The following MPPED1 variants were observed in gnomAD, a reference collection of about 807,000 sequenced individuals.
The protein encoded by MPPED1 is metallophosphoesterase domain containing 1, also known as metallophosphoesterase domain-containing protein 1.
In MPPED1, 16 loss-of-function variants were observed where a neutral mutation model predicts 36.2. The ratio of observed to expected loss-of-function variants is 0.44; its 90% CI spans 0.30 to 0.67. MPPED1 has a LOEUF of 0.67. MPPED1 is among the 30% of genes least tolerant of loss of function. The pLI is 0.10. For synonymous variants in MPPED1, 199 were observed against 191.3 expected (o/e 1.04, Z -0.33); for missense variants, 307 against 453.4 (o/e 0.68, Z 2.93).
chr22:43,428,034 C>T (rs1313823513), intron 2 of MPPED1, among the ~76,000 whole-genome samples: 7 of 152,186 alleles, frequency 4.6e-5, no homozygotes, highest in African/African-American at 1.7e-4. Context: ...ATTGGTAGCA[C>T]ATGCCAGGCC....
rs1004706997 is a variant in MPPED1 at position 43,506,787 on chromosome 22, G to A, written c.*1171G>A. 6.6e-6 allele frequency: 1 copy of A among 152,178 alleles called. No homozygotes were observed. The highest frequency in any genetic ancestry group is 2.4e-5 in the African/African-American group (1 of 41,416). The allele number at this position is 152,178 out of a possible 1,614,324, so 9.4% of individuals were successfully genotyped here. ...TGGGAACCGGTAGGGCCTAGATGAG[G>A]GGCAGGCAGTCAGGCAGAAATGGGC... On this transcript the variant is annotated 3_prime_UTR_variant, in exon 7 of 7. Coordinates refer to ENST00000443721, the MANE Select transcript of MPPED1 (RefSeq NM_001044370.2).
chr22:43,423,279 A>T (rs5751494), intron 1 of MPPED1, among the ~76,000 whole-genome samples: 33,413 of 152,100 alleles, frequency 0.22, 5,057 homozygotes, highest in East Asian at 0.62. Context: ...CGGCGTCCTG[A>T]AACTTGGCAT....
At chr22:43,487,698 G>A (rs1276918767) in intron 4 of MPPED1, among the ~76,000 whole-genome samples, 1 of 152,200 alleles carries the variant, frequency 6.6e-6, no homozygotes, top group African/African-American at 2.4e-5. Context: ...GGCACCCCAG[G>A]AATTGTCTGT....
chr22:43,464,578 A>G (rs1369145367), intron 3 of MPPED1, among the ~76,000 whole-genome samples: 3 of 151,926 alleles, frequency 2.0e-5, no homozygotes, highest in Non-Finnish European at 1.5e-5. Context: ...AGTGCTCCCC[A>G]CTTTTGTGGG....
At chr22:43,488,413 T>C (rs1931981757) in intron 4 of MPPED1, among the ~76,000 whole-genome samples, 2 of 152,168 alleles carry the variant, frequency 1.3e-5, no homozygotes, top group Admixed American at 1.3e-4. Context: ...CCATTTCCTA[T>C]AGACGAGTGT....
At chr22:43,470,996 G>A (rs1048825972) in intron 3 of MPPED1, among the ~76,000 whole-genome samples, 1 of 152,240 alleles carries the variant, frequency 6.6e-6, no homozygotes, top group Admixed American at 6.5e-5. Flanking sequence ...CTTGCATTAT[G>A]TATGGGAGCT....
chr22:43,449,234 T>C (rs553435242), intron 3 of MPPED1, among the ~76,000 whole-genome samples: 1 of 152,282 alleles, frequency 6.6e-6, no homozygotes, highest in African/African-American at 2.4e-5. Flanking sequence ...TACAGGCACT[T>C]TCACGTTGTT....
intron 1 of MPPED1, among the ~76,000 whole-genome samples, chr22:43,421,281 T>C (rs543324947): frequency 1.6e-4 from 24 of 152,382 alleles, no homozygotes; most frequent in African/African-American, 5.5e-4. Flanking sequence ...AAATATTAAA[T>C]GGGCATTAAA....
intron 1 of MPPED1, among the ~76,000 whole-genome samples, chr22:43,424,094 C>G (rs1246650240): frequency 6.6e-6 from 1 of 152,170 alleles, no homozygotes; most frequent in Non-Finnish European, 1.5e-5. Flanking sequence ...AATATAAATG[C>G]AAACTGCACT....
intron 4 of MPPED1, among the ~76,000 whole-genome samples, chr22:43,490,422 G>T (rs1932046841): frequency 1.3e-5 from 2 of 152,182 alleles, no homozygotes; most frequent in Admixed American, 1.3e-4. Context: ...GGCTCCCCAA[G>T]ATTTGAGGTC....
chr22:43,468,567 T>A (rs1259349239), intron 3 of MPPED1, among the ~76,000 whole-genome samples: 1 of 152,232 alleles, frequency 6.6e-6, no homozygotes, highest in Non-Finnish European at 1.5e-5. Flanking sequence ...CTCTCTCCAC[T>A]GTCTCGCTAT....
At chr22:43,453,488 G>A (rs183098676) in intron 3 of MPPED1, among the ~76,000 whole-genome samples, 1 of 152,128 alleles carries the variant, frequency 6.6e-6, no homozygotes, top group Admixed American at 6.5e-5. Context: ...GTTGGAACCA[G>A]GTATAGCCTT....
chr22:43,450,275 C>T (rs1338700196), intron 3 of MPPED1, among the ~76,000 whole-genome samples: 1 of 152,212 alleles, frequency 6.6e-6, no homozygotes, highest in Non-Finnish European at 1.5e-5. Context: ...AATGGGCAGG[C>T]CCCCTCCCGG....
intron 3 of MPPED1, among the ~76,000 whole-genome samples, chr22:43,443,870 C>T (rs1455834929): frequency 3.3e-5 from 5 of 151,978 alleles, no homozygotes; most frequent in East Asian, 3.9e-4. Context: ...TTGTCACCTC[C>T]GGCACTCTCT....
At position 43,496,100 on chromosome 22, in the gene MPPED1, G is replaced by A. The variant is rs368965422; in HGVS notation, c.633-2135G>A. Among the ~76,000 whole-genome samples the A allele has an allele frequency of 3.3e-4, 25 of 76,548 alleles. 1 individual carries two copies. Among genetic ancestry groups the A allele is most frequent in the East Asian group, 1.6e-3 (3 of 1,872 alleles). The allele number at this position is 76,548 out of a possible 152,430, so 50.2% of individuals were successfully genotyped here. A position where few individuals can be genotyped will look rare whatever the true frequency, so the allele number is the denominator to read the frequency against. ...GGTAGTGGTGGTGGAGGTAGTGGTG[G>A]TGGAGATGGTGGTGGTGGAGGTGGT... On this transcript the variant is annotated intron_variant, in intron 4 of 6. Coordinates refer to ENST00000443721, the MANE Select transcript of MPPED1 (RefSeq NM_001044370.2).
chr22:43,477,906 G>T (rs983296538), intron 4 of MPPED1, among the ~76,000 whole-genome samples: 1 of 152,220 alleles, frequency 6.6e-6, no homozygotes, highest in Non-Finnish European at 1.5e-5. Flanking sequence ...GGGTTGTGAG[G>T]TCTGCTTGGG....
chr22:43,423,276 C>T (rs773370650), intron 1 of MPPED1, among the ~76,000 whole-genome samples: 4 of 152,214 alleles, frequency 2.6e-5, no homozygotes, highest in Admixed American at 6.5e-5. Flanking sequence ...ATGCGGCGTC[C>T]TGAAACTTGG....
chr22:43,453,473 G>A lies in MPPED1; in HGVS notation c.406+18258G>A, dbSNP rs570247180. 3.0e-4 allele frequency among the ~76,000 whole-genome samples: 45 copies of A among 152,128 alleles called. 1 individual carries two copies. Among genetic ancestry groups the A allele is most frequent in the African/African-American group, 1.0e-3 (43 of 41,504 alleles). ...GCACAATCCTTGCTGGGAATTTCCT[G>A]GTGAGTTGGAACCAGGTATAGCCTT... On this transcript the variant is annotated intron_variant, in intron 3 of 6. Coordinates refer to ENST00000443721, the MANE Select transcript of MPPED1 (RefSeq NM_001044370.2).
At position 43,495,509 on chromosome 22, in the gene MPPED1, G is replaced by A. The variant is rs1253543811; in HGVS notation, c.633-2726G>A. Among the ~76,000 whole-genome samples, 21 of 117,286 alleles carry A rather than the reference G, an allele frequency of 1.8e-4. 2 individuals are homozygous for A. The highest frequency in any genetic ancestry group is 1.3e-4 in the Non-Finnish European group (7 of 53,822). The allele number at this position is 117,286 out of a possible 152,430, so 76.9% of individuals were successfully genotyped here. ...GGTGGAGGTAGTGGTGGTGGAGGTG[G>A]TGGTGGTGGTGGAGGTGGTGGTGGT... On this transcript the variant is annotated intron_variant, in intron 4 of 6. Transcript: ENST00000443721.
Sources: gnomAD v4.1 joint callset for allele counts (sites outside exome capture counted in the v4.1 genomes callset) on GRCh38, gnomAD v4.1.1 for gene constraint, MANE v1.5 for transcripts, NCBI Gene and HGNC (gene_info 2026-07-23, HGNC 2026-07-21) for gene names.